ZSWIM4: variants seen among roughly 807,000 people sequenced by gnomAD.
ZSWIM4 encodes zinc finger SWIM domain-containing protein 4.
In ZSWIM4, 62 loss-of-function variants were observed where a neutral mutation model predicts 102.5. The ratio of observed to expected loss-of-function variants is 0.60; its 90% confidence interval spans 0.49 to 0.75. The LOEUF is 0.75. Ranked by LOEUF, ZSWIM4 falls within the 30% of genes least tolerant of loss-of-function variation. The pLI, the probability that ZSWIM4 is intolerant of heterozygous loss-of-function variation, is 0.00. For missense variants in ZSWIM4, 1,280 were observed against 1,529.6 expected (o/e 0.84, Z 2.72); for synonymous variants, 652 against 674.5 (o/e 0.97, Z 0.52).
chr19:13,805,163 G>A lies in ZSWIM4; in HGVS notation c.712+15G>A, dbSNP rs757124002. 1.3e-6 allele frequency: 2 copies of A among 1,584,810 alleles called. No individual in the cohort carries two copies. Among genetic ancestry groups the A allele is most frequent in the Non-Finnish European group, 1.7e-6 (2 of 1,168,666 alleles). ...CTTGGTGAATGGTAAGGGCACCCCG[G>A]GGGTCCGGTGGGGAGAGGATGCCCA... is the stretch of plus-strand genomic sequence containing the variant. On this transcript the variant is annotated intron_variant, in intron 3 of 13. Transcript: ENST00000590508.
intron 2 of ZSWIM4, 34 bp from the exon 3 acceptor site, chr19:13,804,758 T>C: frequency 2.6e-6 from 4 of 1,528,378 alleles, no homozygotes; most frequent in South Asian, 1.2e-5. Flanking sequence ...GTCTCTGGGA[T>C]GACACGGATG....
chr19:13,810,316 G>T (rs1303109516), intron 5 of ZSWIM4, among the ~76,000 whole-genome samples: 1 of 143,580 alleles, frequency 7.0e-6, no homozygotes, highest in Non-Finnish European at 1.5e-5. Flanking sequence ...TTTTTGACAC[G>T]GACTCTCACC....
chr19:13,809,671 G>C lies in ZSWIM4; in HGVS notation c.1012+451G>C, dbSNP rs1975020538. On this transcript the variant is annotated intron_variant, in intron 5 of 13. Coordinates refer to ENST00000590508, the MANE Select transcript of ZSWIM4 (RefSeq NM_001367834.3). The surrounding 1 kb of genome is among the most constrained non-coding windows in gnomAD (Gnocchi z 4.2). The stretch of plus-strand genomic sequence containing the variant: ...TAATTTTTAATTTTTTGAAGAGACA[G>C]AGTCTCACTATCTTGCCAAGTCTGG... 6.6e-6 allele frequency among the ~76,000 whole-genome samples: 1 copy of C among 152,082 alleles called. No homozygotes were observed.
chr19:13,798,030 G>C (rs181512394), intron 1 of ZSWIM4, among the ~76,000 whole-genome samples: 1 of 152,234 alleles, frequency 6.6e-6, no homozygotes, highest in Non-Finnish European at 1.5e-5. Flanking sequence ...GGCCAGGGCC[G>C]TGGGGCGTGG....
At chr19:13,808,791 C>A in intron 3 of ZSWIM4, 45 bp from the exon 4 acceptor site, 1 of 1,530,266 alleles carries the variant, frequency 6.5e-7, no homozygotes, top group South Asian at 1.2e-5. Flanking sequence ...AACCCAACCC[C>A]AACTCCAGCC....
At position 13,830,946 on chromosome 19, in the gene ZSWIM4, G is replaced by T. The variant is rs1472952237; in HGVS notation, c.3217G>T (p.Ala1073Ser). ...LGKARETFLL[A>S]PDGHLQFSQF... is the part of the protein sequence containing the mutation. ...CAAGGCCCGGGAGACCTTCCTGCTG[G>T]CGCCCGACGGGCACCTCCAGTTCTC... Residue 1073 changes from alanine (A) to serine (S), a missense_variant, in exon 14 of 14, where the codon GCG becomes TCG. Physicochemically the swap from Ala to Ser is moderately conservative, Grantham distance 99 (BLOSUM62 1). Transcript: ENST00000590508. The T allele has an allele frequency of 6.2e-7, 1 of 1,614,094 alleles. No homozygotes were observed. The highest frequency in any genetic ancestry group is 8.5e-7 in the Non-Finnish European group (1 of 1,180,052).
intron 9 of ZSWIM4, 137 bp downstream of exon 9, chr19:13,818,113 C>G: frequency 1.5e-6 from 2 of 1,363,100 alleles, no homozygotes; most frequent in South Asian, 1.7e-5. Flanking sequence ...GATACTGTCC[C>G]CTCATACCTT....
chr19:13,799,862 C>A lies in ZSWIM4; in HGVS notation c.296C>A (p.Pro99His). 1 of 1,613,552 alleles carries A rather than the reference C, an allele frequency of 6.2e-7. No homozygotes were observed. The highest frequency in any genetic ancestry group is 8.5e-7 in the Non-Finnish European group (1 of 1,179,992). The change falls in exon 2 of 14, where the codon CCC (proline) becomes CAC (histidine). Residue 99 changes from proline (P) to histidine (H), a missense_variant. Pro to His is a moderately conservative substitution (Grantham distance 77). Coordinates refer to ENST00000590508, the MANE Select transcript of ZSWIM4 (RefSeq NM_001367834.3). ...GAGGGCGAGCACGATGCCCGGGTGCCCTTTACCCGCGGGCTGCACCTGCTC... is the reference window on the plus strand; with the variant it reads ...GAGGGCGAGCACGATGCCCGGGTGCACTTTACCCGCGGGCTGCACCTGCTC... ...PPEGEHDARVPFTRGLHLLQS... is the reference protein window; with the variant it reads ...PPEGEHDARVHFTRGLHLLQS...
rs1196484245 is a variant in ZSWIM4 at position 13,830,896 on chromosome 19, A to G, written c.3167A>G (p.Tyr1056Cys). Reference sequence around the variant, plus strand: ...CTCACGCACATCAGCCCGCGGCACTATGGGGATTTCATCGAATTCCTGGGC... The same window carrying G: ...CTCACGCACATCAGCCCGCGGCACTGTGGGGATTTCATCGAATTCCTGGGC... The part of the protein sequence containing the change: ...SRLTHISPRH[Y>C]GDFIEFLGKA... Residue 1056 changes from tyrosine to cysteine, a missense_variant, in exon 14 of 14, where the codon TAT becomes TGT. Physicochemically the swap from Tyr to Cys is radical, Grantham distance 194 (BLOSUM62 -2). Coordinates refer to ENST00000590508, the MANE Select transcript of ZSWIM4 (RefSeq NM_001367834.3). 2 of 1,614,058 alleles carry G rather than the reference A, an allele frequency of 1.2e-6. No individual in the cohort carries two copies. The highest frequency in any genetic ancestry group is 1.7e-6 in the Non-Finnish European group (2 of 1,180,028).
intron 2 of ZSWIM4, among the ~76,000 whole-genome samples, chr19:13,801,836 T>C (rs2145260657): frequency 6.6e-6 from 1 of 151,706 alleles, no homozygotes; most frequent in African/African-American, 2.4e-5. Context: ...CATGCCTGGC[T>C]AATTTTTGTA....
chr19:13,828,700 G>A lies in ZSWIM4; in HGVS notation c.2435G>A (p.Trp812Ter). The A allele has an allele frequency of 6.2e-7, 1 of 1,614,180 alleles. No homozygotes were observed. Among genetic ancestry groups the A allele is most frequent in the Non-Finnish European group, 8.5e-7 (1 of 1,180,026 alleles). ...TGGCGGCGGAGGGAGATGGTGCGCTGGCTGGTCAGCTGTGCCACAGAGATT... is the reference window on the plus strand; with the variant it reads ...TGGCGGCGGAGGGAGATGGTGCGCTAGCTGGTCAGCTGTGCCACAGAGATT... ...MTWRRREMVR[W>*]LVSCATEIGP... The change falls in exon 13 of 14, where the codon TGG (tryptophan) becomes TAG (stop). Residue 812 changes from tryptophan (W) to a stop codon, truncating the protein, a stop_gained. Coordinates refer to ENST00000590508, the MANE Select transcript of ZSWIM4 (RefSeq NM_001367834.3). LOFTEE classifies it high-confidence loss of function.
In ZSWIM4 at chr19:13,799,842, C is replaced by A; in HGVS notation, c.276C>A (p.Gly92=). 7 of 1,613,806 alleles carry A rather than the reference C, an allele frequency of 4.3e-6. No homozygotes were observed. The highest frequency in any genetic ancestry group is 1.1e-5 in the South Asian group (1 of 91,088). ...YSSLGYPPPE[G]EHDARVPFTR... ...CGCTGGGTTACCCGCCCCCAGAGGGCGAGCACGATGCCCGGGTGCCCTTTA... is the reference window on the plus strand; with the variant it reads ...CGCTGGGTTACCCGCCCCCAGAGGGAGAGCACGATGCCCGGGTGCCCTTTA... Residue 92 remains glycine (G), a synonymous_variant, in exon 2 of 14, where the codon GGC becomes GGA. Coordinates refer to ENST00000590508, the MANE Select transcript of ZSWIM4 (RefSeq NM_001367834.3).
chr19:13,813,258 G>A (rs1047906821), intron 6 of ZSWIM4, 94 bp downstream of exon 6: 41 of 1,109,654 alleles, frequency 3.7e-5, no homozygotes, highest in Admixed American at 1.5e-4. Flanking sequence ...AGGAGAGAGA[G>A]GGAGTGGGGC....
chr19:13,814,574 G>A lies in ZSWIM4; in HGVS notation c.1240G>A (p.Ala414Thr), dbSNP rs1417884609. The A allele has an allele frequency of 1.7e-6, 2 of 1,182,012 alleles. No individual in the cohort carries two copies. The highest frequency in any genetic ancestry group is 2.2e-6 in the Non-Finnish European group (2 of 928,194). The allele number at this position is 1,182,012 out of a possible 1,614,324, so 73.2% of individuals were successfully genotyped here. A position where few individuals can be genotyped will look rare whatever the true frequency, so the allele number is the denominator to read the frequency against. The change falls in exon 7 of 14, where the codon GCC (alanine) becomes ACC (threonine). Residue 414 changes from alanine (A) to threonine (T), a missense_variant. By Grantham distance (58) the Ala-to-Thr change is moderately conservative. Transcript: ENST00000590508. ...TCCCCGCCACACGGTATTTGGCCGC[G>A]CCTTGCTGGCTGGAGAGCTACACTG... ...TSPRHTVFGR[A>T]LLAGELHWND...
intron 1 of ZSWIM4, among the ~76,000 whole-genome samples, chr19:13,799,314 C>G (rs920742621): frequency 5.3e-5 from 8 of 149,582 alleles, no homozygotes; most frequent in African/African-American, 1.5e-4. Flanking sequence ...TGCTCTGTCA[C>G]CCAGGCTGGA....
In ZSWIM4 at chr19:13,814,521, A is replaced by C. The variant is rs1975207703; in HGVS notation, c.1187A>C (p.Glu396Ala). The C allele has an allele frequency of 2.6e-6, 3 of 1,157,070 alleles. No individual in the cohort carries two copies. Among genetic ancestry groups the C allele is most frequent in the Non-Finnish European group, 3.3e-6 (3 of 919,144 alleles). 71.7% of individuals were successfully genotyped at this position (1,157,070 alleles called of 1,614,324 possible). A position where few individuals can be genotyped will look rare whatever the true frequency, so the allele number is the denominator to read the frequency against. ...QPTMAPAPGS[E>A]EEEEVAATSP... ...GTTGGGTGCCTCTCTGCAGGCTCGGAGGAAGAGGAAGAGGTGGCAGCCACA... is the reference window on the plus strand; with the variant it reads ...GTTGGGTGCCTCTCTGCAGGCTCGGCGGAAGAGGAAGAGGTGGCAGCCACA... The change falls in exon 7 of 14, where the codon GAG (glutamate) becomes GCG (alanine). Residue 396 changes from glutamate to alanine, a missense_variant. Physicochemically the swap from Glu to Ala is moderately radical, Grantham distance 107 (BLOSUM62 -1). Transcript: ENST00000590508.
In ZSWIM4 at chr19:13,831,127, G is replaced by C; in HGVS notation, c.*77G>C. 6.7e-7 allele frequency: 1 copy of C among 1,494,474 alleles called. No homozygotes were observed. The highest frequency in any genetic ancestry group is 1.3e-5 in the South Asian group (1 of 74,376). 92.6% of individuals were successfully genotyped at this position (1,494,474 alleles called of 1,614,324 possible). A position where few individuals can be genotyped will look rare whatever the true frequency, so the allele number is the denominator to read the frequency against. ...ACCCTTGCTCTCCAATTAGGCCCAC[G>C]TGGCATTTCAGTATTATTAAGTCAG... On this transcript the variant is annotated 3_prime_UTR_variant, in exon 14 of 14. Coordinates refer to ENST00000590508, the MANE Select transcript of ZSWIM4 (RefSeq NM_001367834.3).
chr19:13,828,823 G>A, intron 13 of ZSWIM4, 97 bp downstream of exon 13: 1 of 1,230,184 alleles, frequency 8.1e-7, no homozygotes, highest in South Asian at 1.3e-5. Context: ...AGAAGTGGCG[G>A]GGTGCGGTGG....
Position 13,795,633 on chromosome 19 carries a change from GC to G in ZSWIM4, c.-12del. On this transcript the variant is annotated 5_prime_UTR_variant, in exon 1 of 14. Coordinates refer to ENST00000590508, the MANE Select transcript of ZSWIM4 (RefSeq NM_001367834.3). Reference sequence around the variant, plus strand: ...CCAAAGAGGCCCCGCCCCGGCCCTGGCCCCGGCCGGGCCGGATGGAACCCCC... The same window carrying G: ...CCAAAGAGGCCCCGCCCCGGCCCTGGCCCGGCCGGGCCGGATGGAACCCCC... 2.0e-6 allele frequency: 1 copy of G among 494,876 alleles called. No individual in the cohort carries two copies. Among genetic ancestry groups the G allele is most frequent in the East Asian group, 5.8e-5 (1 of 17,158 alleles). The allele number at this position is 494,876 out of a possible 1,614,324, so 30.7% of individuals were successfully genotyped here.
Sources: allele counts gnomAD v4.1 joint callset (sites outside exome capture counted in the v4.1 genomes callset), GRCh38; gene constraint gnomAD v4.1.1; non-coding constraint Gnocchi (gnomAD v3.1); transcripts MANE v1.5; gene names NCBI Gene and HGNC (gene_info 2026-07-23, HGNC 2026-07-21).